The following MYT1 variants were observed in gnomAD, a reference collection of about 807,000 sequenced individuals.
The protein encoded by MYT1 is myelin transcription factor I.
Under a neutral mutation model 123.0 loss-of-function variants are expected in MYT1, and 23 were observed. The ratio of observed to expected loss-of-function variants is 0.19; its 90% CI spans 0.13 to 0.26. MYT1 has a LOEUF of 0.26. Among genes scored for constraint, MYT1 ranks in the 10% least tolerant of loss-of-function variants. The pLI is 1.00. For missense variants in MYT1, 1,125 were observed against 1,472.5 expected, an observed-to-expected ratio of 0.76 and a Z score of 3.86; for synonymous variants, 518 against 575.3, an observed-to-expected ratio of 0.90 and a Z score of 1.43.
At chr20:64,216,930 G>A (rs1983854037) in intron 10 of MYT1, 137 bp from the exon 11 acceptor site, 4 of 762,198 alleles carry the variant, frequency 5.2e-6, no homozygotes, top group Admixed American at 2.3e-5. Context: ...AATATGCAGG[G>A]GTAGTGTCTT....
Position 64,213,542 on chromosome 20 carries a change from G to C in MYT1, c.1526G>C (p.Gly509Ala). 2 of 1,613,858 alleles carry C rather than the reference G, an allele frequency of 1.2e-6. No homozygotes were observed. The highest frequency in any genetic ancestry group is 1.7e-6 in the Non-Finnish European group (2 of 1,179,912). ...CCTCTTCCTTCCTCTAGTTTGTCTGGGTGTCCCATTGCTGCCGCCGAAAAA... is the reference window on the plus strand; with the variant it reads ...CCTCTTCCTTCCTCTAGTTTGTCTGCGTGTCCCATTGCTGCCGCCGAAAAA... ...SNRNTHRSLSGCPIAAAEKLA... is the reference protein window; with the variant it reads ...SNRNTHRSLSACPIAAAEKLA... The change falls in exon 10 of 23, where the codon GGG (glycine) becomes GCG (alanine). Residue 509 changes from glycine to alanine, a missense_variant. Gly to Ala is a moderately conservative substitution (Grantham distance 60, BLOSUM62 0). Around this residue, in one of 4 missense-constraint regions of MYT1, gnomAD observed 429 missense variants for 604.1 expected, o/e 0.71. Transcript: ENST00000328439. The surrounding 1 kb of genome is among the most constrained non-coding windows in gnomAD (Gnocchi z 5.6).
chr20:64,176,535 A>G (rs1982459728), intron 1 of MYT1, among the ~76,000 whole-genome samples: 1 of 151,804 alleles, frequency 6.6e-6, no homozygotes, highest in African/African-American at 2.4e-5. Flanking sequence ...GGAGCCACCT[A>G]TTTCTGGAGG....
chr20:64,173,392 A>T (rs556621425), intron 1 of MYT1, among the ~76,000 whole-genome samples: 1 of 152,236 alleles, frequency 6.6e-6, no homozygotes, highest in African/African-American at 2.4e-5. Flanking sequence ...TGGCCTAGTC[A>T]GTAGAGATGG....
chr20:64,166,044 G>A lies in MYT1; in HGVS notation c.-99+1305G>A, dbSNP rs1982070476. Reference sequence around the variant, plus strand: ...GGGGTGCTGTATCCTCTACAGGGCTGACTGAGGGAGGCTCCCCTCGGCCCC... The same window carrying A: ...GGGGTGCTGTATCCTCTACAGGGCTAACTGAGGGAGGCTCCCCTCGGCCCC... On this transcript the variant is annotated intron_variant, in intron 1 of 22. Transcript: ENST00000328439. The surrounding 1 kb of genome is among the most constrained non-coding windows in gnomAD (Gnocchi z 4.9). 6.6e-6 allele frequency among the ~76,000 whole-genome samples: 1 copy of A among 152,118 alleles called. No homozygotes were observed. Among genetic ancestry groups the A allele is most frequent in the Non-Finnish European group, 1.5e-5 (1 of 68,008 alleles).
At position 64,189,612 on chromosome 20, in the gene MYT1, ATCT is replaced by A. The variant is rs1345897482; in HGVS notation, c.-98-446_-98-444del. Among the ~76,000 whole-genome samples, 1 of 152,166 alleles carries A rather than the reference ATCT, an allele frequency of 6.6e-6. No homozygotes were observed. The highest frequency in any genetic ancestry group is 1.9e-4 in the East Asian group (1 of 5,196). On this transcript the variant is annotated intron_variant, in intron 1 of 22. Transcript: ENST00000328439. The surrounding 1 kb of genome is among the most constrained non-coding windows in gnomAD (Gnocchi z 5.5). ...GGCTCCAGAGAAGTCGTGCAAAACAATCTTCTTTTTCAAATGCATATGTACTGT... is the reference window on the plus strand; with the variant it reads ...GGCTCCAGAGAAGTCGTGCAAAACAATCTTTTTCAAATGCATATGTACTGT...
At chr20:64,205,178 C>T (rs1021075330) in intron 5 of MYT1, 81 bp downstream of exon 5, 46 of 1,489,418 alleles carry the variant, frequency 3.1e-5, no homozygotes, top group Non-Finnish European at 4.1e-5. Context: ...GGAGAACTTT[C>T]CATCTTTTTC....
intron 4 of MYT1, 72 bp from the exon 5 acceptor site, chr20:64,204,963 T>G: frequency 1.3e-6 from 2 of 1,498,366 alleles, no homozygotes; most frequent in Non-Finnish European, 1.9e-6. Context: ...CTCCCCAGGG[T>G]GAAGGTCTGC....
chr20:64,199,997 A>G, intron 4 of MYT1, 75 bp downstream of exon 4: 1 of 1,567,328 alleles, frequency 6.4e-7, no homozygotes, highest in Non-Finnish European at 8.8e-7. Context: ...AATGTCCCAA[A>G]CGGGGTCTTC....
chr20:64,171,108 G>A (rs1018630631), intron 1 of MYT1, among the ~76,000 whole-genome samples: 3 of 151,224 alleles, frequency 2.0e-5, no homozygotes, highest in African/African-American at 7.3e-5. Context: ...TAACAGAGAT[G>A]GGGTTTTGCC....
rs992901263 is a variant in MYT1 at position 64,196,977 on chromosome 20, T to G, written c.1-1885T>G. Among the ~76,000 whole-genome samples the G allele has an allele frequency of 6.6e-6, 1 of 152,250 alleles. No homozygotes were observed. Among genetic ancestry groups the G allele is most frequent in the Non-Finnish European group, 1.5e-5 (1 of 68,038 alleles). ...TTGTACGTCCTGCATCGGAAGGCAT[T>G]GCACACGGGCTCAGAGCAGACGACA... On this transcript the variant is annotated intron_variant, in intron 2 of 22. Coordinates refer to ENST00000328439, the MANE Select transcript of MYT1 (RefSeq NM_004535.3). This position sits in a 1 kb window ranked among gnomAD's most constrained non-coding sequence, Gnocchi z 4.3.
rs79823051 is a variant in MYT1, at chr20:64,205,193, G to A, written c.149+96G>A. On this transcript the variant is annotated intron_variant, in intron 5 of 22. Coordinates refer to ENST00000328439, the MANE Select transcript of MYT1 (RefSeq NM_004535.3). ...GGAGAACTTTCCATCTTTTTCCATG[G>A]CTCCCAAGGCCAGGCTGCTGACCCT... The A allele has an allele frequency of 2.8e-4, 401 of 1,422,834 alleles. No individual in the cohort carries two copies. The African/African-American group carries it at 4.8e-3, about 17-fold the overall frequency. 88.1% of individuals were successfully genotyped at this position (1,422,834 alleles called of 1,614,324 possible). A position where few individuals can be genotyped will look rare whatever the true frequency, so the allele number is the denominator to read the frequency against.
chr20:64,184,934 G>T (rs1417496698), intron 1 of MYT1, among the ~76,000 whole-genome samples: 1 of 152,210 alleles, frequency 6.6e-6, no homozygotes, highest in African/African-American at 2.4e-5. Flanking sequence ...GCGAGTGTTT[G>T]CCACAGAAGG....
chr20:64,213,286 G>A lies in MYT1; in HGVS notation c.1518-248G>A, dbSNP rs375243525. ...ATATATTTCATCTTTGTGTGTCCTTGGCATAGAATGTTCCAAAACAGAAAC... is the reference window on the plus strand; with the variant it reads ...ATATATTTCATCTTTGTGTGTCCTTAGCATAGAATGTTCCAAAACAGAAAC... On this transcript the variant is annotated intron_variant, in intron 9 of 22. Transcript: ENST00000328439. The surrounding 1 kb of genome is among the most constrained non-coding windows in gnomAD (Gnocchi z 5.6). 9.2e-5 allele frequency among the ~76,000 whole-genome samples: 14 copies of A among 152,324 alleles called. No individual in the cohort carries two copies. Among genetic ancestry groups the A allele is most frequent in the African/African-American group, 3.4e-4 (14 of 41,572 alleles).
intron 13 of MYT1, among the ~76,000 whole-genome samples, 162 bp from the exon 14 acceptor site, chr20:64,221,731 C>T (rs1393535825): frequency 1.3e-5 from 2 of 152,154 alleles, no homozygotes; most frequent in East Asian, 1.9e-4. Context: ...CTGTGTTTTG[C>T]TGGGGGGAGT....
intron 10 of MYT1, among the ~76,000 whole-genome samples, chr20:64,214,482 A>T (rs1601716780): frequency 6.6e-6 from 1 of 152,228 alleles, no homozygotes; most frequent in Non-Finnish European, 1.5e-5. Flanking sequence ...GGCTCTAAGA[A>T]GTAAGTGCCA....
chr20:64,217,548 C>G (rs145326505), intron 11 of MYT1, among the ~76,000 whole-genome samples: 330 of 152,370 alleles, frequency 2.2e-3, no homozygotes, highest in Admixed American at 4.6e-3. Flanking sequence ...TGAAACAAAA[C>G]CCAGATCCGT....
Position 64,202,239 on chromosome 20 carries a change from G to A in MYT1, c.86+2317G>A, listed in dbSNP as rs555946020. On this transcript the variant is annotated intron_variant, in intron 4 of 22. Coordinates refer to ENST00000328439, the MANE Select transcript of MYT1 (RefSeq NM_004535.3). This position sits in a 1 kb window ranked among gnomAD's most constrained non-coding sequence, Gnocchi z 5.0. ...GCTGAGGAGAGGTTGGACTTGGATC[G>A]AGCAGGACCCTGAGCTGCTATTTCC... 6.6e-6 allele frequency among the ~76,000 whole-genome samples: 1 copy of A among 152,310 alleles called. No individual in the cohort carries two copies. The highest frequency in any genetic ancestry group is 6.5e-5 in the Admixed American group (1 of 15,310).
rs1182015468 is a variant in MYT1, at chr20:64,223,028, C to T, written c.2397-83C>T. The T allele has an allele frequency of 3.9e-6, 6 of 1,521,228 alleles. No homozygotes were observed. In the East Asian group the frequency reaches 1.4e-4, roughly 34 times the overall value. 94.2% of individuals were successfully genotyped at this position (1,521,228 alleles called of 1,614,324 possible). A position where few individuals can be genotyped will look rare whatever the true frequency, so the allele number is the denominator to read the frequency against. On this transcript the variant is annotated intron_variant, in intron 14 of 22. Transcript: ENST00000328439. ...CTCGCGGGTGAGCCAGGAGTGGGCA[C>T]CAGTCTCCCTCGCAGAGCAGGCTCA...
At chr20:64,238,531 G>A (rs1035896827) in intron 21 of MYT1, among the ~76,000 whole-genome samples, 1 of 151,676 alleles carries the variant, frequency 6.6e-6, no homozygotes, top group Non-Finnish European at 1.5e-5. Context: ...TCACCCCACA[G>A]GGATCAGGAA....
Sources: allele counts gnomAD v4.1 joint callset (sites outside exome capture counted in the v4.1 genomes callset), GRCh38; gene constraint gnomAD v4.1.1; regional missense constraint gnomAD v4.1.1; non-coding constraint Gnocchi (gnomAD v3.1); transcripts MANE v1.5; gene names NCBI Gene and HGNC (gene_info 2026-07-23, HGNC 2026-07-21).